Variants in PTBP3 observed in about 807,000 individuals in gnomAD.
PTBP3 encodes polypyrimidine tract-binding protein 3.
A neutral mutation model predicts 58.7 loss-of-function variants in PTBP3; 20 were observed. The ratio of observed to expected loss-of-function variants is 0.34; its 90% confidence interval spans 0.24 to 0.50. The LOEUF (loss-of-function observed/expected upper bound fraction) is 0.50. Ranked by LOEUF, PTBP3 falls within the 20% of genes least tolerant of loss-of-function variation. The probability of loss-of-function intolerance (pLI) is 0.98; values close to 1 mark genes in which losing one functional copy is unlikely to be tolerated. For synonymous variants in PTBP3, 185 were observed against 219.8 expected (o/e 0.84, Z 1.40); for missense variants, 509 against 637.2 (o/e 0.80, Z 2.17).
intron 7 of PTBP3, among the ~76,000 whole-genome samples, chr9:112,241,850 A>G (rs1835672600): frequency 6.6e-6 from 1 of 152,166 alleles, no homozygotes; most frequent in Non-Finnish European, 1.5e-5. Context: ...GATCTTTCTC[A>G]CACTATAGAT....
intron 1 of PTBP3, among the ~76,000 whole-genome samples, chr9:112,325,888 C>T (rs1360153210): frequency 6.6e-6 from 1 of 152,060 alleles, no homozygotes; most frequent in East Asian, 1.9e-4. Flanking sequence ...AGCGGTGGAG[C>T]GCACCTGTAG....
intron 2 of PTBP3, among the ~76,000 whole-genome samples, chr9:112,285,394 T>A (rs1410644938): frequency 6.6e-6 from 1 of 152,238 alleles, no homozygotes; most frequent in African/African-American, 2.4e-5. Context: ...TCCAGGCAGT[T>A]CTTTACAGCA....
intron 1 of PTBP3, among the ~76,000 whole-genome samples, chr9:112,319,071 G>C (rs1208782810): frequency 6.8e-6 from 1 of 147,320 alleles, no homozygotes; most frequent in African/African-American, 2.5e-5. Flanking sequence ...AGGTTGCAGT[G>C]AGCCGAGATC....
the PTBP3 span, among the ~76,000 whole-genome samples, chr9:112,367,724 TTCTA>T: frequency 4.6e-5 from 7 of 152,242 alleles, no homozygotes; most frequent in East Asian, 7.7e-4. Context: ...TCAAAATTCT[TTCTA>T]TCTTTGACTT....
the PTBP3 span, among the ~76,000 whole-genome samples, chr9:112,341,351 C>T: frequency 1.7e-4 from 26 of 152,122 alleles, no homozygotes; most frequent in Non-Finnish European, 2.6e-4. Flanking sequence ...AGGCTAGTCT[C>T]GAACTCCTGA....
chr9:112,358,788 T>C, the PTBP3 span, among the ~76,000 whole-genome samples: 2 of 152,080 alleles, frequency 1.3e-5, no homozygotes, highest in Non-Finnish European at 1.5e-5. Flanking sequence ...CAAATGAGAA[T>C]GGTAAAATCA....
the PTBP3 span, among the ~76,000 whole-genome samples, chr9:112,340,710 T>C: frequency 6.6e-6 from 1 of 151,908 alleles, no homozygotes. Context: ...AGAAACCCCG[T>C]CTCTACTAAA....
At chr9:112,243,557 C>A (rs1835748337) in intron 7 of PTBP3, among the ~76,000 whole-genome samples, 1 of 151,242 alleles carries the variant, frequency 6.6e-6, no homozygotes, top group East Asian at 1.9e-4. Flanking sequence ...ATAAAAAAAG[C>A]CCCAGGGATT....
the PTBP3 span, among the ~76,000 whole-genome samples, chr9:112,369,687 T>C: frequency 1.4e-3 from 213 of 152,322 alleles, 2 homozygotes; most frequent in Non-Finnish European, 2.4e-3. Context: ...AATGCTGAAA[T>C]GAGTTAAGAC....
At chr9:112,252,520 A>AG in intron 6 of PTBP3, 158 bp downstream of exon 6, 1 of 471,008 alleles carries the variant, frequency 2.1e-6, no homozygotes, top group South Asian at 2.0e-5. Flanking sequence ...TTTAGCTTAG[A>AG]AAAAAAAAAC....
chr9:112,234,734 T>C, intron 8 of PTBP3, 86 bp downstream of exon 8: 1 of 1,285,000 alleles, frequency 7.8e-7, no homozygotes, highest in Non-Finnish European at 1.1e-6. Flanking sequence ...ATTCTTCAAA[T>C]ATGATAACAT....
the PTBP3 span, among the ~76,000 whole-genome samples, chr9:112,371,130 C>T: frequency 6.6e-6 from 1 of 151,994 alleles, no homozygotes; most frequent in African/African-American, 2.4e-5. Context: ...TCTAATTGTT[C>T]TGGCTATTGC....
At chr9:112,320,844 C>A (rs1457843582) in intron 1 of PTBP3, among the ~76,000 whole-genome samples, 1 of 152,140 alleles carries the variant, frequency 6.6e-6, no homozygotes, top group Non-Finnish European at 1.5e-5. Context: ...TGTTTACTCA[C>A]GCCATACACA....
chr9:112,220,421 C>T lies in PTBP3; in HGVS notation c.*3430G>A, dbSNP rs1834767898. The T allele has an allele frequency of 8.4e-7, 1 of 1,185,156 alleles. No individual in the cohort carries two copies. The highest frequency in any genetic ancestry group is 1.1e-6 in the Non-Finnish European group (1 of 941,736). 73.4% of individuals were successfully genotyped at this position (1,185,156 alleles called of 1,614,324 possible). A position where few individuals can be genotyped will look rare whatever the true frequency, so the allele number is the denominator to read the frequency against. ...TAAAAAGAAATTGAGCAGAGGCATT[C>T]ATAGGAGCCACTTCTCATCAACTAA... On this transcript the variant is annotated 3_prime_UTR_variant, in exon 14 of 14. Coordinates refer to ENST00000374257, the MANE Select transcript of PTBP3 (RefSeq NM_001163788.4).
chr9:112,362,187 G>A, the PTBP3 span, among the ~76,000 whole-genome samples: 1 of 152,156 alleles, frequency 6.6e-6, no homozygotes, highest in Non-Finnish European at 1.5e-5. Context: ...AAAAGTATGA[G>A]TCTGTAGTCT....
intron 3 of PTBP3, among the ~76,000 whole-genome samples, chr9:112,273,755 C>T (rs1827486988): frequency 6.6e-6 from 1 of 152,144 alleles, no homozygotes; most frequent in Admixed American, 6.6e-5. Context: ...CCCCATTTGG[C>T]CCCTGACACT....
chr9:112,245,204 G>A (rs1016759641), intron 7 of PTBP3, among the ~76,000 whole-genome samples: 4 of 152,102 alleles, frequency 2.6e-5, no homozygotes, highest in African/African-American at 7.2e-5. Context: ...CCAGCTACTC[G>A]CAGGCTGAGG....
chr9:112,370,694 T>C, the PTBP3 span, among the ~76,000 whole-genome samples: 2 of 152,234 alleles, frequency 1.3e-5, no homozygotes, highest in Non-Finnish European at 2.9e-5. Flanking sequence ...TGATAGGGAT[T>C]GTATTGAATT....
chr9:112,257,940 CAAAAAAAAAA>C (rs56934009), intron 5 of PTBP3, among the ~76,000 whole-genome samples: 73,009 of 119,740 alleles, frequency 0.61, 20,626 homozygotes, highest in African/African-American at 0.8. Context: ...GACTCCATCT[CAAAAAAAAAA>C]AAAAAAAAAA....
Sources: gnomAD v4.1 joint callset for allele counts (sites outside exome capture counted in the v4.1 genomes callset) on GRCh38, gnomAD v4.1.1 for gene constraint, MANE v1.5 for transcripts, NCBI Gene and HGNC (gene_info 2026-07-23, HGNC 2026-07-21) for gene names.